The following PACS1 variants were observed in gnomAD, a reference collection of about 807,000 sequenced individuals.
The protein encoded by PACS1 is phosphofurin acidic cluster sorting protein 1, also known as PACS-1.
PACS1 carries 24 observed loss-of-function variants against 115.0 expected under a neutral mutation model. That is an observed-to-expected ratio of 0.21 (90% CI 0.15 to 0.29). PACS1 has a LOEUF of 0.29. Among genes scored for constraint, PACS1 ranks in the 10% least tolerant of loss-of-function variants. PACS1 has a pLI of 1.00. For synonymous variants in PACS1, 453 were observed against 504.5 expected (o/e 0.90, Z 1.37); for missense variants, 838 against 1,251.2 (o/e 0.67, Z 4.98).
intron 1 of PACS1, among the ~76,000 whole-genome samples, chr11:66,073,704 C>T (rs1430123692): frequency 1.3e-5 from 2 of 152,100 alleles, no homozygotes; most frequent in Non-Finnish European, 2.9e-5. Flanking sequence ...TTACTCACAG[C>T]TGGTTTTAAA....
At chr11:66,166,489 A>T (rs1288429135) in intron 1 of PACS1, among the ~76,000 whole-genome samples, 1 of 145,642 alleles carries the variant, frequency 6.9e-6, no homozygotes, top group Non-Finnish European at 1.5e-5. Flanking sequence ...CATGCACTAG[A>T]CATCCTTGCC....
intron 1 of PACS1, among the ~76,000 whole-genome samples, chr11:66,135,660 T>C (rs201288248): frequency 0.011 from 903 of 82,312 alleles, 16 homozygotes; most frequent in African/African-American, 0.049. Flanking sequence ...TCTCCTGCGC[T>C]TTTTTTTTTT....
At chr11:66,184,962 A>C (rs905799090) in intron 1 of PACS1, among the ~76,000 whole-genome samples, 5 of 152,200 alleles carry the variant, frequency 3.3e-5, no homozygotes, top group Non-Finnish European at 7.3e-5. Flanking sequence ...GAGGGCTTGC[A>C]TGCCTATGAA....
At chr11:66,072,061 G>GA (rs1857317234) in intron 1 of PACS1, among the ~76,000 whole-genome samples, 1 of 152,002 alleles carries the variant, frequency 6.6e-6, no homozygotes, top group Non-Finnish European at 1.5e-5. Flanking sequence ...TCCCTTGTTA[G>GA]AAAAAAATTA....
intron 1 of PACS1, among the ~76,000 whole-genome samples, chr11:66,076,766 G>A (rs1857406688): frequency 6.6e-6 from 1 of 152,208 alleles, no homozygotes; most frequent in Non-Finnish European, 1.5e-5. Flanking sequence ...ATTTGGTGTT[G>A]GCCTGGCTTG....
chr11:66,226,764 C>G (rs1197509903), intron 10 of PACS1, among the ~76,000 whole-genome samples: 2 of 152,130 alleles, frequency 1.3e-5, no homozygotes, highest in African/African-American at 4.8e-5. Flanking sequence ...CTACAAGAAA[C>G]AAAAAGATTC....
chr11:66,134,406 A>G (rs1010618963), intron 1 of PACS1, among the ~76,000 whole-genome samples: 2 of 151,212 alleles, frequency 1.3e-5, no homozygotes, highest in Admixed American at 6.6e-5. Context: ...GCTGGGACCT[A>G]CAGGTGCCTG....
At chr11:66,122,379 C>T (rs1001531905) in intron 1 of PACS1, among the ~76,000 whole-genome samples, 1 of 152,154 alleles carries the variant, frequency 6.6e-6, no homozygotes, top group African/African-American at 2.4e-5. Context: ...TGTTTTCATG[C>T]CTGTTAACCA....
At chr11:66,209,320 C>T (rs946584026) in intron 2 of PACS1, among the ~76,000 whole-genome samples, 1 of 146,306 alleles carries the variant, frequency 6.8e-6, no homozygotes, top group African/African-American at 2.6e-5. Flanking sequence ...GCCAGCCCGG[C>T]CAACATGGCA....
rs549563017 is a variant in PACS1, at chr11:66,173,093, T to G, written c.357-20393T>G. Among the ~76,000 whole-genome samples, 1,401 of 149,520 alleles carry G rather than the reference T, an allele frequency of 9.4e-3. 5 individuals are homozygous for G. Among genetic ancestry groups the G allele is most frequent in the Non-Finnish European group, 0.015 (990 of 67,112 alleles). Reference sequence around the variant, plus strand: ...TCTTAAAATGTTTTTTGATTTTGGTTTTTTTTTTTTGTTTTTTTTTGTAGA... The same window carrying G: ...TCTTAAAATGTTTTTTGATTTTGGTGTTTTTTTTTTGTTTTTTTTTGTAGA... On this transcript the variant is annotated intron_variant, in intron 1 of 23. Coordinates refer to ENST00000320580, the MANE Select transcript of PACS1 (RefSeq NM_018026.4).
chr11:66,172,250 G>GCCAGCCT (rs1386574908), intron 1 of PACS1, among the ~76,000 whole-genome samples: 24 of 152,136 alleles, frequency 1.6e-4, no homozygotes, highest in African/African-American at 5.6e-4. Context: ...AAATGTGTGA[G>GCCAGCCT]CCAGCCTCCA....
chr11:66,214,584 C>T (rs554699049), intron 4 of PACS1, among the ~76,000 whole-genome samples: 2 of 139,300 alleles, frequency 1.4e-5, no homozygotes, highest in South Asian at 2.7e-4. Flanking sequence ...TTCTCTCTCT[C>T]GCTCCCATTC....
chr11:66,088,364 C>A (rs987995360), intron 1 of PACS1, among the ~76,000 whole-genome samples: 2 of 152,058 alleles, frequency 1.3e-5, no homozygotes, highest in African/African-American at 2.4e-5. Context: ...CTACTGTTTT[C>A]TTCTAAAAGT....
chr11:66,243,447 C>T lies in PACS1; in HGVS notation c.*167C>T, dbSNP rs1024980244. 5.8e-5 allele frequency: 35 copies of T among 604,464 alleles called. No individual in the cohort carries two copies. The highest frequency in any genetic ancestry group is 5.4e-4 in the African/African-American group (29 of 54,014). 37.4% of individuals were successfully genotyped at this position (604,464 alleles called of 1,614,324 possible). A position where few individuals can be genotyped will look rare whatever the true frequency, so the allele number is the denominator to read the frequency against. ...CACTGCCACAGGGACGCCTTCCCTC[C>T]CCTCCCCTCCAGCCCACCCCTGCAC... On this transcript the variant is annotated 3_prime_UTR_variant, in exon 24 of 24. Coordinates refer to ENST00000320580, the MANE Select transcript of PACS1 (RefSeq NM_018026.4).
intron 4 of PACS1, among the ~76,000 whole-genome samples, chr11:66,214,803 G>A (rs1195977565): frequency 6.6e-6 from 1 of 151,122 alleles, no homozygotes; most frequent in African/African-American, 2.4e-5. Context: ...TTTATTTTTA[G>A]TAGAGACGGG....
chr11:66,165,546 T>C (rs1186808156), intron 1 of PACS1, among the ~76,000 whole-genome samples: 2 of 152,170 alleles, frequency 1.3e-5, no homozygotes, highest in Non-Finnish European at 2.9e-5. Context: ...TACTCAGATA[T>C]TTAAGATGTG....
At chr11:66,116,158 A>G (rs1032409765) in intron 1 of PACS1, among the ~76,000 whole-genome samples, 2 of 152,190 alleles carry the variant, frequency 1.3e-5, no homozygotes, top group Non-Finnish European at 2.9e-5. Flanking sequence ...GCAATTAGGT[A>G]TCTTCAGTGA....
At chr11:66,222,754 A>G (rs1565153584) in intron 10 of PACS1, among the ~76,000 whole-genome samples, 2 of 152,156 alleles carry the variant, frequency 1.3e-5, no homozygotes, top group South Asian at 4.1e-4. Flanking sequence ...AGAGGCCTCT[A>G]CCGCTGAAAA....
chr11:66,122,803 T>TG (rs1401258096), intron 1 of PACS1, among the ~76,000 whole-genome samples: 1 of 152,188 alleles, frequency 6.6e-6, no homozygotes, highest in Non-Finnish European at 1.5e-5. Context: ...GCAGAGAAAG[T>TG]GGTTTCTTGA....
Sources: allele counts gnomAD v4.1 joint callset (sites outside exome capture counted in the v4.1 genomes callset), GRCh38; gene constraint gnomAD v4.1.1; transcripts MANE v1.5; gene names NCBI Gene and HGNC (gene_info 2026-07-23, HGNC 2026-07-21).